The following DROSHA variants were observed in gnomAD, a reference collection of about 807,000 sequenced individuals.
DROSHA encodes the protein ribonuclease 3.
A neutral mutation model predicts 181.9 loss-of-function variants in DROSHA; 56 were observed. The observed-to-expected ratio is 0.31, with a 90% confidence interval of 0.25 to 0.38. The LOEUF (loss-of-function observed/expected upper bound fraction) is 0.38. Ranked by LOEUF, DROSHA falls within the 10% of genes least tolerant of loss-of-function variation. DROSHA has a pLI of 1.00. For synonymous variants in DROSHA, 524 were observed against 591.2 expected, an observed-to-expected ratio of 0.89 and a Z score of 1.65; for missense variants, 1,218 against 1,743.5, an observed-to-expected ratio of 0.70 and a Z score of 5.37.
chr5:31,428,149 T>A (rs1743707176), intron 27 of DROSHA, among the ~76,000 whole-genome samples: 1 of 151,966 alleles, frequency 6.6e-6, no homozygotes, highest in Admixed American at 6.6e-5. Flanking sequence ...GAGAGGCAGT[T>A]TAAAGAGAAA....
Position 31,411,243 on chromosome 5 carries a change from AGT to A in DROSHA, c.3526-358_3526-357del, listed in dbSNP as rs755118491. On this transcript the variant is annotated intron_variant, in intron 30 of 35. Transcript: ENST00000344624. The surrounding 1 kb of genome is among the most constrained non-coding windows in gnomAD (Gnocchi z 4.2). ...TGCTACAAAATAAGGAAGCATTAAG[AGT>A]GTTAAAATCAATTTTATTAAAGTGT... Among the ~76,000 whole-genome samples, 1 of 152,216 alleles carries A rather than the reference AGT, an allele frequency of 6.6e-6. No homozygotes were observed. The highest frequency in any genetic ancestry group is 1.5e-5 in the Non-Finnish European group (1 of 68,032).
intron 23 of DROSHA, among the ~76,000 whole-genome samples, chr5:31,437,830 G>C (rs1745069831): frequency 6.6e-6 from 1 of 151,952 alleles, no homozygotes; most frequent in Non-Finnish European, 1.5e-5. Flanking sequence ...AAACTGCCTG[G>C]CACTCTCTGA....
At chr5:31,410,658 C>A in intron 31 of DROSHA, 88 bp downstream of exon 31, 1 of 1,481,578 alleles carries the variant, frequency 6.7e-7, no homozygotes. Context: ...TTAGCCAGAA[C>A]ATAATAATAA....
In DROSHA at chr5:31,504,596, T is replaced by C. The variant is rs1441475056; in HGVS notation, c.1627A>G (p.Arg543Gly). The C allele has an allele frequency of 6.2e-7, 1 of 1,614,020 alleles. No homozygotes were observed. Among genetic ancestry groups the C allele is most frequent in the East Asian group, 2.2e-5 (1 of 44,884 alleles). Residue 543 changes from arginine to glycine, a missense_variant, in exon 11 of 36, where the codon AGA becomes GGA. Arg to Gly is a moderately radical substitution (Grantham distance 125). This residue lies in a region of DROSHA where 460 missense variants were observed against 774.2 expected (regional missense o/e 0.59). Coordinates refer to ENST00000344624, the MANE Select transcript of DROSHA (RefSeq NM_001382508.1). The stretch of plus-strand genomic sequence containing the variant: ...ATGCTGTGCCTAATTCCTGTGCGTC[T>C]TGCCTTTGCGCTGCATTTGCAGAGT... The part of the protein sequence containing the change: ...GPLCKCSAKA[R>G]RTGIRHSIYP...
At chr5:31,468,454 C>T (rs1390468647) in intron 17 of DROSHA, among the ~76,000 whole-genome samples, 1 of 152,170 alleles carries the variant, frequency 6.6e-6, no homozygotes, top group East Asian at 1.9e-4. Context: ...GCACAGATGC[C>T]TCTATTTAAG....
chr5:31,464,507 T>C (rs1398778163), intron 19 of DROSHA, among the ~76,000 whole-genome samples, 164 bp from the exon 20 acceptor site: 1 of 149,358 alleles, frequency 6.7e-6, no homozygotes, highest in African/African-American at 2.5e-5. Context: ...AAATGGAGGC[T>C]GGAATGCTCA....
At chr5:31,502,678 C>T (rs566134194) in intron 11 of DROSHA, among the ~76,000 whole-genome samples, 6 of 152,360 alleles carry the variant, frequency 3.9e-5, no homozygotes, top group Non-Finnish European at 8.8e-5. Flanking sequence ...ACCAGCTCCC[C>T]TCCCTCAGCT....
chr5:31,430,727 G>T (rs1744074934), intron 26 of DROSHA, among the ~76,000 whole-genome samples: 1 of 152,142 alleles, frequency 6.6e-6, no homozygotes. Flanking sequence ...AGACATATTT[G>T]TGAAAAACAG....
At chr5:31,511,200 T>G in intron 8 of DROSHA, 24 bp from the exon 9 acceptor site, 1 of 1,603,498 alleles carries the variant, frequency 6.2e-7, no homozygotes, top group Non-Finnish European at 8.5e-7. Flanking sequence ...AGGATCAATA[T>G]TAGGAACTAT....
rs1740553338 is a variant in DROSHA at position 31,526,309 on chromosome 5, A to G, written c.624T>C (p.Pro208=). 1 of 1,613,622 alleles carries G rather than the reference A, an allele frequency of 6.2e-7. No homozygotes were observed. The highest frequency in any genetic ancestry group is 2.2e-5 in the East Asian group (1 of 44,844). The part of the protein sequence containing the change: ...NSSSPHFRHL[P]PYPLPKAPSE... The stretch of plus-strand genomic sequence containing the variant: ...TGGGAGCCTTTGGGAGTGGGTATGG[A>G]GGGAGATGTCTGAAATGAGGACTAC... The change falls in exon 5 of 36, where the codon CCT becomes CCC. Residue 208 remains proline, a synonymous_variant. Transcript: ENST00000344624.
intron 25 of DROSHA, 59 bp downstream of exon 25, chr5:31,435,706 C>T (rs1342427957): frequency 6.8e-7 from 1 of 1,478,192 alleles, no homozygotes; most frequent in Non-Finnish European, 9.4e-7. Flanking sequence ...CAAAATTATG[C>T]ATGGACCGCA....
At position 31,431,566 on chromosome 5, in the gene DROSHA, G is replaced by A. The variant is rs1744189010; in HGVS notation, c.3145+10C>T. 1 of 1,613,268 alleles carries A rather than the reference G, an allele frequency of 6.2e-7. No homozygotes were observed. ...AAGAAAGTAGACTTCTTGAAGAAGA[G>A]AGAAATTACCTATTAACGCTTCAAA... On this transcript the variant is annotated intron_variant, in intron 26 of 35. Transcript: ENST00000344624.
chr5:31,421,440 C>G, intron 29 of DROSHA, 63 bp from the exon 30 acceptor site: 10 of 1,319,956 alleles, frequency 7.6e-6, no homozygotes, highest in Non-Finnish European at 1.1e-5. Context: ...AAAAAAACAC[C>G]CAGAATTTTA....
chr5:31,464,452 T>G, intron 19 of DROSHA, 109 bp from the exon 20 acceptor site: 1 of 921,118 alleles, frequency 1.1e-6, no homozygotes, highest in Non-Finnish European at 1.7e-6. Flanking sequence ...ACCCCTACAT[T>G]CAGATACTCA....
At chr5:31,427,158 G>C (rs1451938217) in intron 27 of DROSHA, among the ~76,000 whole-genome samples, 1 of 152,166 alleles carries the variant, frequency 6.6e-6, no homozygotes, top group Admixed American at 6.5e-5. Context: ...ACTTTTTCCA[G>C]TTTCTGCAGC....
At chr5:31,524,372 C>G (rs765789044) in intron 5 of DROSHA, among the ~76,000 whole-genome samples, 4 of 152,172 alleles carry the variant, frequency 2.6e-5, no homozygotes, top group Non-Finnish European at 5.9e-5. Context: ...CAACAAGAAC[C>G]AAGACCAGCT....
chr5:31,450,135 C>CAA (rs1746795104), intron 21 of DROSHA, among the ~76,000 whole-genome samples: 1 of 152,104 alleles, frequency 6.6e-6, no homozygotes, highest in Non-Finnish European at 1.5e-5. Context: ...CACTTTACCC[C>CAA]AGAGAGAATG....
chr5:31,528,933 C>T (rs369705773), intron 4 of DROSHA, 107 bp downstream of exon 4: 3 of 1,424,106 alleles, frequency 2.1e-6, no homozygotes, highest in Non-Finnish European at 2.9e-6. Flanking sequence ...GCACATTATC[C>T]CCTCTCCCCA....
intron 13 of DROSHA, 131 bp downstream of exon 13, chr5:31,493,076 A>G: frequency 1.1e-6 from 1 of 945,348 alleles, no homozygotes; most frequent in South Asian, 1.6e-5. Context: ...CCTGCAGCTC[A>G]TTTACAATAC....
Sources: gnomAD v4.1 joint callset for allele counts (sites outside exome capture counted in the v4.1 genomes callset) on GRCh38, gnomAD v4.1.1 for gene constraint, gnomAD v4.1.1 regional missense constraint, Gnocchi (gnomAD v3.1) non-coding constraint, MANE v1.5 for transcripts, NCBI Gene and HGNC (gene_info 2026-07-23, HGNC 2026-07-21) for gene names.